The following ZNF839 variants were observed in gnomAD, a reference collection of about 807,000 sequenced individuals.
ZNF839 encodes renal carcinoma antigen NY-REN-50.
A neutral mutation model predicts 56.4 loss-of-function variants in ZNF839; 38 were observed. The ratio of observed to expected loss-of-function variants is 0.67; its 90% confidence interval spans 0.52 to 0.88. The LOEUF is 0.88. Ranked by LOEUF, ZNF839 falls within the 40% of genes least tolerant of loss-of-function variation. ZNF839 has a pLI of 0.00. For missense variants in ZNF839, 1,091 were observed against 1,177.6 expected (o/e 0.93, Z 1.08); for synonymous variants, 486 against 493.5 (o/e 0.98, Z 0.20).
rs1338323026 is a variant in ZNF839, at chr14:102,335,670, G to C, written c.1510-19G>C. 1 of 1,559,884 alleles carries C rather than the reference G, an allele frequency of 6.4e-7. No individual in the cohort carries two copies. Among genetic ancestry groups the C allele is most frequent in the Non-Finnish European group, 8.6e-7 (1 of 1,165,736 alleles). On this transcript the variant is annotated intron_variant, in intron 4 of 7. Transcript: ENST00000442396. ...TGCCTTGAGTTTAAACTTTTTTTTT[G>C]GTCTTTATCTTCACGAAGGTTGAAA...
chr14:102,340,140 T>C (rs909010869), intron 7 of ZNF839, among the ~76,000 whole-genome samples: 5 of 150,400 alleles, frequency 3.3e-5, no homozygotes, highest in African/African-American at 1.2e-4. Context: ...GCCCGGCTAA[T>C]TTTTTTTTGT....
At chr14:102,338,031 C>T (rs1464991179) in intron 5 of ZNF839, among the ~76,000 whole-genome samples, 2 of 152,274 alleles carry the variant, frequency 1.3e-5, no homozygotes, top group Middle Eastern at 3.4e-3. Flanking sequence ...AGGCCATGGG[C>T]AGAGAAGCTG....
chr14:102,338,581 C>G (rs927485111), intron 5 of ZNF839, among the ~76,000 whole-genome samples: 2 of 149,362 alleles, frequency 1.3e-5, no homozygotes, highest in East Asian at 4.0e-4. Flanking sequence ...GTCTCCTCCT[C>G]TAAATTGTGC....
rs1438914672 is a variant in ZNF839, at chr14:102,342,023, T to C, written c.2628T>C (p.Asn876=). 2 of 1,613,988 alleles carry C rather than the reference T, an allele frequency of 1.2e-6. No individual in the cohort carries two copies. Among genetic ancestry groups the C allele is most frequent in the Admixed American group, 3.3e-5 (2 of 60,022 alleles). Residue 876 remains asparagine (N), a synonymous_variant, in exon 8 of 8, where the codon AAT becomes AAC. Transcript: ENST00000442396. ...AAGCCATGGCTTTTGAAATTTCCAA[T>C]GGGAGCCATGAGTTACTGTCTCAGG... The part of the protein sequence containing the change: ...VGEAMAFEIS[N]GSHELLSQGQ...
chr14:102,319,765 C>G lies in ZNF839; in HGVS notation c.-1C>G, dbSNP rs868469974. On this transcript the variant is annotated 5_prime_UTR_variant, in exon 1 of 8. Transcript: ENST00000442396. The surrounding 1 kb of genome is among the most constrained non-coding windows in gnomAD (Gnocchi z 4.5). ...GGGTTCGAGTCCCCGCCTCGGCCGC[C>G]ATGGCGGATGCGGAGCCGGAGGCTG... 1.8e-5 allele frequency: 22 copies of G among 1,230,216 alleles called. No homozygotes were observed. The African/African-American group carries it at 3.1e-4, about 17-fold the overall frequency. The allele number at this position is 1,230,216 out of a possible 1,614,324, so 76.2% of individuals were successfully genotyped here. A position where few individuals can be genotyped will look rare whatever the true frequency, so the allele number is the denominator to read the frequency against.
upstream of ZNF839, chr14:102,319,504 C>A: frequency 3.0e-6 from 1 of 335,184 alleles, no homozygotes; most frequent in Non-Finnish European, 5.2e-6. The surrounding 1 kb of genome is among the most constrained non-coding windows in gnomAD (Gnocchi z 4.5). Flanking sequence ...AGATCCGGGA[C>A]AGCTCCCAGA....
rs1414832735 is a variant in ZNF839, at chr14:102,332,513, G to A, written c.1416+667G>A. On this transcript the variant is annotated intron_variant, in intron 3 of 7. Coordinates refer to ENST00000442396, the MANE Select transcript of ZNF839 (RefSeq NM_018335.6). This position sits in a 1 kb window ranked among gnomAD's most constrained non-coding sequence, Gnocchi z 4.9. ...TATACATTTACTGGGTGTCCATCAA[G>A]TATCAGTCCCTGTTCTAGGGATGGA... Among the ~76,000 whole-genome samples the A allele has an allele frequency of 6.6e-6, 1 of 152,164 alleles. No homozygotes were observed. The highest frequency in any genetic ancestry group is 2.4e-5 in the African/African-American group (1 of 41,438).
Position 102,326,916 on chromosome 14 carries a change from T to C in ZNF839, c.1191+29T>C. 6.5e-7 allele frequency: 1 copy of C among 1,548,502 alleles called. No homozygotes were observed. Among genetic ancestry groups the C allele is most frequent in the Non-Finnish European group, 8.7e-7 (1 of 1,148,386 alleles). ...ATGTTTCTGTCTGGGTATGTGTCTTTTTATTTGGCCGTTCTCGGATTGCTA... is the reference window on the plus strand; with the variant it reads ...ATGTTTCTGTCTGGGTATGTGTCTTCTTATTTGGCCGTTCTCGGATTGCTA... On this transcript the variant is annotated intron_variant, in intron 2 of 7. Coordinates refer to ENST00000442396, the MANE Select transcript of ZNF839 (RefSeq NM_018335.6). The surrounding 1 kb of genome is among the most constrained non-coding windows in gnomAD (Gnocchi z 4.3).
At position 102,332,676 on chromosome 14, in the gene ZNF839, G is replaced by A. The variant is rs767838293; in HGVS notation, c.1416+830G>A. ...TGTAATCCCAGCACTTTGGGAGGCCGAGGTGGGCGGATCACCTGAAGTCAG... is the reference window on the plus strand; with the variant it reads ...TGTAATCCCAGCACTTTGGGAGGCCAAGGTGGGCGGATCACCTGAAGTCAG... On this transcript the variant is annotated intron_variant, in intron 3 of 7. Coordinates refer to ENST00000442396, the MANE Select transcript of ZNF839 (RefSeq NM_018335.6). The surrounding 1 kb of genome is among the most constrained non-coding windows in gnomAD (Gnocchi z 4.9). 2.0e-5 allele frequency among the ~76,000 whole-genome samples: 3 copies of A among 151,858 alleles called. No individual in the cohort carries two copies. Among genetic ancestry groups the A allele is most frequent in the Non-Finnish European group, 2.9e-5 (2 of 67,984 alleles).
In ZNF839 at chr14:102,326,882, C is replaced by T. The variant is rs1191067235; in HGVS notation, c.1186C>T (p.Leu396=). ...CLVTESARGG[L]QNGQSVDVEE... ...GGTGACAGAGTCAGCACGCGGTGGCCTGCAGGTAATGTTTCTGTCTGGGTA... is the reference window on the plus strand; with the variant it reads ...GGTGACAGAGTCAGCACGCGGTGGCTTGCAGGTAATGTTTCTGTCTGGGTA... Residue 396 remains leucine (L), a synonymous_variant, in exon 2 of 8, where the codon CTG becomes TTG. Transcript: ENST00000442396. This position sits in a 1 kb window ranked among gnomAD's most constrained non-coding sequence, Gnocchi z 4.3. 1 of 1,593,544 alleles carries T rather than the reference C, an allele frequency of 6.3e-7. No homozygotes were observed. Among genetic ancestry groups the T allele is most frequent in the Admixed American group, 1.7e-5 (1 of 57,558 alleles).
At chr14:102,330,117 A>T (rs927732196) in intron 2 of ZNF839, among the ~76,000 whole-genome samples, 8 of 151,990 alleles carry the variant, frequency 5.3e-5, no homozygotes, top group African/African-American at 1.7e-4. Flanking sequence ...CTTCTTTGTG[A>T]TTTAGTTTTG....
At position 102,341,303 on chromosome 14, in the gene ZNF839, C is replaced by T. The variant is rs1268645093; in HGVS notation, c.1928-20C>T. ...ATGACACAGTACACGCCATGTTCACCTGTTTCCCAAAATGTTTAGGTTTTT... is the reference window on the plus strand; with the variant it reads ...ATGACACAGTACACGCCATGTTCACTTGTTTCCCAAAATGTTTAGGTTTTT... On this transcript the variant is annotated intron_variant, in intron 7 of 7. Coordinates refer to ENST00000442396, the MANE Select transcript of ZNF839 (RefSeq NM_018335.6). 6.6e-6 allele frequency: 10 copies of T among 1,514,360 alleles called. No homozygotes were observed. The highest frequency in any genetic ancestry group is 1.4e-5 in the African/African-American group (1 of 71,610). The allele number at this position is 1,514,360 out of a possible 1,614,324, so 93.8% of individuals were successfully genotyped here.
rs533386338 is a variant in ZNF839, at chr14:102,334,306, T to G, written c.1417-248T>G. Among the ~76,000 whole-genome samples, 9 of 152,360 alleles carry G rather than the reference T, an allele frequency of 5.9e-5. No homozygotes were observed. The South Asian group carries it at 1.9e-3, about 32-fold the overall frequency. The stretch of plus-strand genomic sequence containing the variant: ...CAGGACACACATCTCCTTATCACCG[T>G]GTCCTTATTCCAGGGCCTTGCCCAG... On this transcript the variant is annotated intron_variant, in intron 3 of 7. Transcript: ENST00000442396.
Position 102,326,998 on chromosome 14 carries a change from C to T in ZNF839, c.1191+111C>T. On this transcript the variant is annotated intron_variant, in intron 2 of 7. Coordinates refer to ENST00000442396, the MANE Select transcript of ZNF839 (RefSeq NM_018335.6). This position sits in a 1 kb window ranked among gnomAD's most constrained non-coding sequence, Gnocchi z 4.3. ...AAGAAAAGAGGGTTGGCTCACGGTT[C>T]CATAGACTGTACAGGAAGCATGGTG... 1 of 1,219,796 alleles carries T rather than the reference C, an allele frequency of 8.2e-7. No individual in the cohort carries two copies. Among genetic ancestry groups the T allele is most frequent in the South Asian group, 1.6e-5 (1 of 62,478 alleles). The allele number at this position is 1,219,796 out of a possible 1,614,324, so 75.6% of individuals were successfully genotyped here.
chr14:102,319,937 C>A lies in ZNF839; in HGVS notation c.172C>A (p.Pro58Thr). The A allele has an allele frequency of 8.3e-7, 1 of 1,207,764 alleles. No homozygotes were observed. 74.8% of individuals were successfully genotyped at this position (1,207,764 alleles called of 1,614,324 possible). A position where few individuals can be genotyped will look rare whatever the true frequency, so the allele number is the denominator to read the frequency against. The part of the protein sequence containing the change: ...VTKAQPPPPP[P>T]PFVLRDAARR... ...GAAGGCGCAGCCGCCGCCGCCGCCGCCCCCCTTCGTGCTGCGGGACGCGGC... is the reference window on the plus strand; with the variant it reads ...GAAGGCGCAGCCGCCGCCGCCGCCGACCCCCTTCGTGCTGCGGGACGCGGC... The change falls in exon 1 of 8, where the codon CCC becomes ACC. Residue 58 changes from proline to threonine, a missense_variant. Pro to Thr is a conservative substitution (Grantham distance 38). Coordinates refer to ENST00000442396, the MANE Select transcript of ZNF839 (RefSeq NM_018335.6). The surrounding 1 kb of genome is among the most constrained non-coding windows in gnomAD (Gnocchi z 4.5).
upstream of ZNF839, among the ~76,000 whole-genome samples, chr14:102,318,940 TGTGGACCA>T (rs768497697): frequency 3.9e-5 from 6 of 152,142 alleles, no homozygotes; most frequent in African/African-American, 7.2e-5. Context: ...AAGAAGGGTT[TGTGGACCA>T]GTGGACCTCC....
intron 1 of ZNF839, among the ~76,000 whole-genome samples, chr14:102,323,176 G>C (rs1470663578): frequency 2.0e-5 from 3 of 150,358 alleles, no homozygotes; most frequent in Non-Finnish European, 2.9e-5. Context: ...ATTCTCAACC[G>C]AGGGCAGTTT....
chr14:102,317,763 A>G (rs1049296664), upstream of ZNF839: 3 of 151,982 alleles, frequency 2.0e-5, no homozygotes, highest in Non-Finnish European at 4.4e-5. Flanking sequence ...GCCTCTGGAA[A>G]CCTTCTCTTG....
intron 1 of ZNF839, among the ~76,000 whole-genome samples, chr14:102,321,819 G>A (rs2073142249): frequency 1.3e-5 from 2 of 152,174 alleles, no homozygotes; most frequent in South Asian, 4.1e-4. Context: ...GGGTGCGTCT[G>A]AGTTGAAAAT....
Sources: gnomAD v4.1 joint callset for allele counts (sites outside exome capture counted in the v4.1 genomes callset) on GRCh38, gnomAD v4.1.1 for gene constraint, Gnocchi (gnomAD v3.1) non-coding constraint, MANE v1.5 for transcripts, NCBI Gene and HGNC (gene_info 2026-07-23, HGNC 2026-07-21) for gene names.